The following RALB variants were observed in gnomAD, a reference collection of about 807,000 sequenced individuals.
RALB encodes the protein ras-related protein Ral-B.
In RALB, 16 loss-of-function variants were observed where a neutral mutation model predicts 21.3. The ratio of observed to expected loss-of-function variants is 0.75; its 90% CI spans 0.51 to 1.14. RALB has a LOEUF of 1.14. Ranked by LOEUF, RALB falls within the 50% of genes most tolerant of loss-of-function variation. The pLI, the probability that RALB is intolerant of heterozygous loss-of-function variation, is 0.00. For missense variants in RALB, 161 were observed against 256.2 expected (o/e 0.63, Z 2.54); for synonymous variants, 93 against 96.1 (o/e 0.97, Z 0.19).
chr2:120,252,337 C>A (rs1053625354), upstream of RALB, among the ~76,000 whole-genome samples: 3 of 152,242 alleles, frequency 2.0e-5, no homozygotes, highest in Non-Finnish European at 4.4e-5. Context: ...AATGGGATGT[C>A]ATCAGCGAAG....
At chr2:120,286,496 G>A (rs543139359) in intron 3 of RALB, among the ~76,000 whole-genome samples, 1 of 152,318 alleles carries the variant, frequency 6.6e-6, no homozygotes, top group African/African-American at 2.4e-5. Flanking sequence ...ACAATGACTG[G>A]AAAGTGAAAG....
chr2:120,242,697 C>T (rs1688914371), intron 1 of RALB, among the ~76,000 whole-genome samples: 2 of 152,124 alleles, frequency 1.3e-5, no homozygotes, highest in African/African-American at 4.8e-5. Flanking sequence ...GAGATCGCAC[C>T]ACTGCACTCC....
In RALB at chr2:120,293,762, GCTT is replaced by G. The variant is rs1451465344; in HGVS notation, c.*506_*508del. 2 of 167,602 alleles carry G rather than the reference GCTT, an allele frequency of 1.2e-5. No homozygotes were observed. The highest frequency in any genetic ancestry group is 4.7e-5 in the African/African-American group (2 of 42,126). The allele number at this position is 167,602 out of a possible 1,614,324, so 10.4% of individuals were successfully genotyped here. Reference sequence around the variant, plus strand: ...AAAAATCCACCGATTTTTTGGGTAAGCTTCTTGGCAATACCCTGTGGATCTGAA... The same window carrying G: ...AAAAATCCACCGATTTTTTGGGTAAGCTTGGCAATACCCTGTGGATCTGAA... On this transcript the variant is annotated 3_prime_UTR_variant, in exon 5 of 5. Coordinates refer to ENST00000272519, the MANE Select transcript of RALB (RefSeq NM_002881.3).
chr2:120,259,333 A>G (rs1689284738), intron 1 of RALB, among the ~76,000 whole-genome samples: 2 of 152,146 alleles, frequency 1.3e-5, no homozygotes, highest in Non-Finnish European at 2.9e-5. Flanking sequence ...TGGTGCGTTT[A>G]CAATCCCTGA....
chr2:120,277,831 ATGTG>A (rs5833829), intron 1 of RALB, among the ~76,000 whole-genome samples: 26 of 138,290 alleles, frequency 1.9e-4, no homozygotes, highest in East Asian at 4.0e-4. Context: ...GTGTGTGAAT[ATGTG>A]TGTTTGAATG....
chr2:120,243,312 A>T (rs1229205927), intron 1 of RALB, among the ~76,000 whole-genome samples: 1 of 152,196 alleles, frequency 6.6e-6, no homozygotes, highest in Non-Finnish European at 1.5e-5. Context: ...TTAGAGGAGG[A>T]AGTGGGAGAA....
At chr2:120,271,904 G>T (rs2104618334) in intron 1 of RALB, among the ~76,000 whole-genome samples, 1 of 152,298 alleles carries the variant, frequency 6.6e-6, no homozygotes, top group African/African-American at 2.4e-5. Flanking sequence ...CCAAAACTTG[G>T]CACAAAGTAG....
chr2:120,281,765 T>C (rs923303336), intron 2 of RALB, among the ~76,000 whole-genome samples: 2 of 152,234 alleles, frequency 1.3e-5, no homozygotes, highest in African/African-American at 2.4e-5. Flanking sequence ...CAAAAACTTA[T>C]AATTTGCTTA....
At chr2:120,249,002 A>G (rs1387939291), upstream of RALB, among the ~76,000 whole-genome samples, 2 of 147,880 alleles carry the variant, frequency 1.4e-5, no homozygotes, top group African/African-American at 2.5e-5. Flanking sequence ...AAATCAAAGC[A>G]TGTCAGCCTC....
exon 1 of RALB, chr2:120,240,089 G>A (rs1162570449): frequency 7.8e-7 from 1 of 1,289,562 alleles, no homozygotes; most frequent in East Asian, 5.5e-5. Context: ...AGAGCGGGTG[G>A]CAGGAGGAGG....
At chr2:120,244,487 TGTCAGTAAGCTGGG>T (rs1688940150) in intron 1 of RALB, among the ~76,000 whole-genome samples, 1 of 152,244 alleles carries the variant, frequency 6.6e-6, no homozygotes, top group Non-Finnish European at 1.5e-5. Flanking sequence ...AGACTGGCAC[TGTCAGTAAGCTGGG>T]GTCAGTAAGC....
chr2:120,290,644 T>TTTA (rs397772827), intron 4 of RALB, among the ~76,000 whole-genome samples: 1 of 151,886 alleles, frequency 6.6e-6, no homozygotes, highest in Admixed American at 6.6e-5. Flanking sequence ...TTTTTTTTTT[T>TTTA]ATCTCTTATC....
intron 1 of RALB, among the ~76,000 whole-genome samples, chr2:120,275,164 G>A (rs543966583): frequency 1.8e-4 from 27 of 152,336 alleles, no homozygotes; most frequent in African/African-American, 6.5e-4. Context: ...GCGCACAGAT[G>A]GTGTGCTCCT....
intron 1 of RALB, among the ~76,000 whole-genome samples, chr2:120,241,742 AC>A (rs1448560856): frequency 9.2e-5 from 14 of 152,154 alleles, no homozygotes; most frequent in African/African-American, 3.4e-4. Context: ...AAACAAAAAA[AC>A]AAAACAAAAC....
intron 1 of RALB, among the ~76,000 whole-genome samples, chr2:120,274,062 C>A (rs1689729544): frequency 6.6e-6 from 1 of 152,176 alleles, no homozygotes; most frequent in African/African-American, 2.4e-5. Context: ...AAGGATCCCC[C>A]CCAACCTGGA....
intron 1 of RALB, chr2:120,253,691 A>C: frequency 3.0e-6 from 3 of 985,500 alleles, no homozygotes; most frequent in Non-Finnish European, 3.6e-6. Flanking sequence ...CTCTGTGCTC[A>C]TTTCCAACGA....
At chr2:120,240,139 C>T in intron 1 of RALB, 7 of 1,289,694 alleles carry the variant, frequency 5.4e-6, no homozygotes, top group Non-Finnish European at 7.1e-6. Flanking sequence ...GGTGCCCGCC[C>T]TCGGTGTGGA....
At chr2:120,271,209 C>T (rs965346230) in intron 1 of RALB, among the ~76,000 whole-genome samples, 1 of 152,222 alleles carries the variant, frequency 6.6e-6, no homozygotes, top group Non-Finnish European at 1.5e-5. Flanking sequence ...GAAACCACCT[C>T]TTCCTCCTAA....
At chr2:120,246,805 C>G (rs1157130633) in intron 1 of RALB, among the ~76,000 whole-genome samples, 1 of 151,960 alleles carries the variant, frequency 6.6e-6, no homozygotes, top group Non-Finnish European at 1.5e-5. Context: ...GAGGGAGAGC[C>G]TGTGGCTGAG....
Sources: gnomAD v4.1 joint callset for allele counts (sites outside exome capture counted in the v4.1 genomes callset) on GRCh38, gnomAD v4.1.1 for gene constraint, MANE v1.5 for transcripts, NCBI Gene and HGNC (gene_info 2026-07-23, HGNC 2026-07-21) for gene names.